Variants in MMD2 observed in about 807,000 individuals in gnomAD.
The protein encoded by MMD2 is monocyte to macrophage differentiation factor 2.
In MMD2, 30 loss-of-function variants were observed where a neutral mutation model predicts 33.5. That is an observed-to-expected ratio of 0.90 (90% confidence interval 0.67 to 1.22). MMD2 has a LOEUF of 1.22. Among genes scored for constraint, MMD2 ranks in the 50% most tolerant of loss-of-function variants. The pLI is 0.00. For synonymous variants in MMD2, 129 were observed against 123.0 expected (o/e 1.05, Z -0.32); for missense variants, 364 against 325.4 (o/e 1.12, Z -0.91).
At chr7:4,935,677 CAAAA>C (rs11337982) in intron 1 of MMD2, among the ~76,000 whole-genome samples, 3 of 86,300 alleles carry the variant, frequency 3.5e-5, no homozygotes, top group Admixed American at 1.4e-4. Context: ...GACCCTGTCT[CAAAA>C]AAAAAAAAAA....
At chr7:4,904,906 C>T (rs1252834085), downstream of MMD2, among the ~76,000 whole-genome samples, 4 of 152,196 alleles carry the variant, frequency 2.6e-5, no homozygotes, top group Non-Finnish European at 5.9e-5. Flanking sequence ...GGGCAGGGGG[C>T]ATGACAGGGA....
intron 1 of MMD2, among the ~76,000 whole-genome samples, chr7:4,939,012 A>G (rs1220084290): frequency 2.0e-5 from 3 of 151,778 alleles, no homozygotes; most frequent in Non-Finnish European, 4.4e-5. Flanking sequence ...GTTGGAGACC[A>G]GCCTGGCCAA....
intron 4 of MMD2, among the ~76,000 whole-genome samples, chr7:4,911,602 T>TATTTA (rs386409410): frequency 6.6e-6 from 1 of 151,450 alleles, no homozygotes; most frequent in Non-Finnish European, 1.5e-5. Context: ...TGTTTTGTTT[T>TATTTA]ATTTATTTTA....
At chr7:4,920,895 T>C (rs1265893264) in intron 2 of MMD2, among the ~76,000 whole-genome samples, 2 of 151,984 alleles carry the variant, frequency 1.3e-5, no homozygotes, top group African/African-American at 4.8e-5. Context: ...TTTTTATATT[T>C]TTTATAGAGG....
At chr7:4,928,354 G>T (rs1204785159) in intron 1 of MMD2, among the ~76,000 whole-genome samples, 2 of 152,138 alleles carry the variant, frequency 1.3e-5, no homozygotes, top group Non-Finnish European at 2.9e-5. Flanking sequence ...CATCTCCGGT[G>T]TGCTGGCTCC....
At chr7:4,955,517 G>C (rs569321850) in intron 1 of MMD2, among the ~76,000 whole-genome samples, 1 of 152,266 alleles carries the variant, frequency 6.6e-6, no homozygotes, top group African/African-American at 2.4e-5. Context: ...GAATTGACTA[G>C]CCCAAATTCA....
At chr7:4,933,023 T>C (rs1296591024) in intron 1 of MMD2, among the ~76,000 whole-genome samples, 1 of 151,882 alleles carries the variant, frequency 6.6e-6, no homozygotes, top group Non-Finnish European at 1.5e-5. Context: ...TTGTATAAAG[T>C]TGAAAGTGAA....
intron 3 of MMD2, among the ~76,000 whole-genome samples, chr7:4,916,486 C>G (rs1473174274): frequency 6.8e-6 from 1 of 147,258 alleles, no homozygotes; most frequent in African/African-American, 2.5e-5. Flanking sequence ...GGATTCAAGC[C>G]ATTTTCTTGC....
At chr7:4,909,988 C>A (rs948008887) in intron 5 of MMD2, 38 bp from the exon 6 acceptor site, 59 of 1,613,810 alleles carry the variant, frequency 3.7e-5, no homozygotes, top group Non-Finnish European at 4.8e-5. Flanking sequence ...TTAGGACATG[C>A]CTCCCCACGA....
intron 4 of MMD2, among the ~76,000 whole-genome samples, chr7:4,912,106 A>G (rs1458252067): frequency 6.6e-6 from 1 of 151,944 alleles, no homozygotes; most frequent in African/African-American, 2.4e-5. Flanking sequence ...ACCCTGTCTC[A>G]AAAAAATTAA....
chr7:4,950,106 T>C (rs1258547158), intron 1 of MMD2, among the ~76,000 whole-genome samples: 1 of 144,168 alleles, frequency 6.9e-6, no homozygotes, highest in Admixed American at 7.0e-5. Flanking sequence ...TGTGTGTGTG[T>C]TGTGTGTGTG....
Position 4,911,374 on chromosome 7 carries a change from C to A in MMD2, c.366-128G>T. On this transcript the variant is annotated intron_variant, in intron 4 of 6. Transcript: ENST00000401401. ...GTCACCTGTGACTCCACGGCTGGGA[C>A]ATGGGCGCTCACAGGAAGACGGGTG... The A allele has an allele frequency of 6.1e-6, 4 of 655,374 alleles. No individual in the cohort carries two copies. The South Asian group carries it at 7.4e-5, about 12-fold the overall frequency. 40.6% of individuals were successfully genotyped at this position (655,374 alleles called of 1,614,324 possible).
the MMD2 span, among the ~76,000 whole-genome samples, chr7:4,899,309 AG>A: frequency 1.3e-5 from 2 of 152,226 alleles, no homozygotes; most frequent in African/African-American, 2.4e-5. Flanking sequence ...AGGACAGGAT[AG>A]GATAGGATAG....
In MMD2 at chr7:4,956,721, A is replaced by G. The variant is rs1013385795; in HGVS notation, c.47+2250T>C. On this transcript the variant is annotated intron_variant, in intron 1 of 6. Coordinates refer to ENST00000401401, the MANE Select transcript of MMD2 (RefSeq NM_198403.4). ...TTTACACATCAACCCACTGGGGTCA[A>G]GAGAGGTTGAGACATCTACCAAGGT... Among the ~76,000 whole-genome samples, 8 of 152,278 alleles carry G rather than the reference A, an allele frequency of 5.3e-5. No individual in the cohort carries two copies. The East Asian group carries it at 9.7e-4, about 18-fold the overall frequency.
At chr7:4,912,504 G>A (rs142702193) in intron 4 of MMD2, among the ~76,000 whole-genome samples, 163 of 140,698 alleles carry the variant, frequency 1.2e-3, no homozygotes, top group South Asian at 1.6e-3. Flanking sequence ...AGAGCTTGTA[G>A]TGAGCCAAGA....
intron 4 of MMD2, among the ~76,000 whole-genome samples, chr7:4,912,996 C>T (rs181956180): frequency 1.3e-5 from 2 of 152,230 alleles, no homozygotes; most frequent in Non-Finnish European, 2.9e-5. Context: ...GAGCCACGCG[C>T]CTGGCCTGGA....
At chr7:4,898,670 T>C in the MMD2 span, among the ~76,000 whole-genome samples, 2 of 152,086 alleles carry the variant, frequency 1.3e-5, no homozygotes, top group African/African-American at 4.8e-5. Flanking sequence ...GTGGCCAAGG[T>C]GGGCAGATCA....
In MMD2 at chr7:4,934,309, G is replaced by T. The variant is rs1785677888; in HGVS notation, c.48-8777C>A. ...AGCGGAGACAGGGTTTTGCCATGTT[G>T]CCCAGGCTGGTCTCAAACTGCTGGT... On this transcript the variant is annotated intron_variant, in intron 1 of 6. Coordinates refer to ENST00000401401, the MANE Select transcript of MMD2 (RefSeq NM_198403.4). 2.0e-5 allele frequency among the ~76,000 whole-genome samples: 3 copies of T among 152,026 alleles called. No homozygotes were observed. In the South Asian group the frequency reaches 6.2e-4, roughly 32 times the overall value.
chr7:4,945,307 CA>C (rs1414508180), intron 1 of MMD2, among the ~76,000 whole-genome samples: 1 of 148,186 alleles, frequency 6.7e-6, no homozygotes, highest in African/African-American at 2.5e-5. Context: ...CTTGCTCTGT[CA>C]CCCAGGCTGG....
Sources: allele counts gnomAD v4.1 joint callset (sites outside exome capture counted in the v4.1 genomes callset), GRCh38; gene constraint gnomAD v4.1.1; transcripts MANE v1.5; gene names NCBI Gene and HGNC (gene_info 2026-07-23, HGNC 2026-07-21).